CIB2: variants seen among roughly 807,000 people sequenced by gnomAD.
The protein encoded by CIB2 is calcium and integrin-binding family member 2.
A neutral mutation model predicts 23.1 loss-of-function variants in CIB2; 19 were observed. The ratio of observed to expected loss-of-function variants is 0.82; its 90% CI spans 0.57 to 1.21. The LOEUF (loss-of-function observed/expected upper bound fraction) is 1.21. Among genes scored for constraint, CIB2 ranks in the 50% most tolerant of loss-of-function variants. The pLI is 0.00. For missense variants in CIB2, 220 were observed against 241.5 expected, an observed-to-expected ratio of 0.91 and a Z score of 0.59; for synonymous variants, 94 against 91.7, an observed-to-expected ratio of 1.03 and a Z score of -0.14.
chr15:78,127,470 A>G (rs2074396671), intron 1 of CIB2, among the ~76,000 whole-genome samples: 2 of 152,162 alleles, frequency 1.3e-5, no homozygotes, highest in Non-Finnish European at 2.9e-5. Flanking sequence ...AGAAAACAGG[A>G]CAGGCTGGGC....
intron 1 of CIB2, among the ~76,000 whole-genome samples, chr15:78,126,229 G>A (rs778375898): frequency 2.1e-5 from 3 of 142,552 alleles, no homozygotes; most frequent in South Asian, 2.3e-4. Flanking sequence ...TGCAACCTCC[G>A]CCTCCTGGGT....
chr15:78,114,165 C>T (rs573509508), intron 2 of CIB2, among the ~76,000 whole-genome samples: 11 of 152,180 alleles, frequency 7.2e-5, no homozygotes, highest in East Asian at 3.8e-4. Flanking sequence ...CTGCCTGCCA[C>T]GTCAGAGGCT....
chr15:78,128,156 T>C (rs1207177297), intron 1 of CIB2, among the ~76,000 whole-genome samples: 1 of 152,220 alleles, frequency 6.6e-6, no homozygotes, highest in Non-Finnish European at 1.5e-5. Context: ...GGGATGTATA[T>C]GTGTCAGGCT....
chr15:78,106,130 C>A (rs1433176776), intron 4 of CIB2, among the ~76,000 whole-genome samples, 196 bp from the exon 5 acceptor site: 1 of 152,194 alleles, frequency 6.6e-6, no homozygotes, highest in African/African-American at 2.4e-5. Flanking sequence ...CTTAAACACC[C>A]ACATCCACCA....
In CIB2 at chr15:78,105,834, G is replaced by T. The variant is rs376577933; in HGVS notation, c.447C>A (p.Cys149Ter). ...ELDEEEVVLV[C>*]DKVIEEADLD... ...AGTCAGCCTCCTCAATGACCTTGTC[G>T]CACACAAGCACCACCTCCTCCTCAT... Residue 149 changes from cysteine to a stop codon, truncating the protein, a stop_gained, in exon 5 of 6, where the codon TGC becomes TGA. Transcript: ENST00000258930. LOFTEE classifies it high-confidence loss of function. 1 of 1,614,142 alleles carries T rather than the reference G, an allele frequency of 6.2e-7. No homozygotes were observed. The highest frequency in any genetic ancestry group is 8.5e-7 in the Non-Finnish European group (1 of 1,180,016).
At position 78,105,915 on chromosome 15, in the gene CIB2, G is replaced by A. The variant is rs374836619; in HGVS notation, c.366C>T (p.Phe122=). 54 of 1,614,138 alleles carry A rather than the reference G, an allele frequency of 3.3e-5. No individual in the cohort carries two copies. In the African/African-American group the frequency reaches 6.0e-4, roughly 18 times the overall value. ...TCAGCTCCAGGTCCTCCTTGCAGAT[G>A]AAGTTGTCAGTGTTGAAGTCTGTAG... The part of the protein sequence containing the change: ...FKIYDFNTDN[F]ICKEDLELTL... The change falls in exon 5 of 6, where the codon TTC becomes TTT. Residue 122 remains phenylalanine (F), a synonymous_variant. Transcript: ENST00000258930.
chr15:78,129,480 C>G (rs905400353), intron 1 of CIB2, among the ~76,000 whole-genome samples: 1 of 151,978 alleles, frequency 6.6e-6, no homozygotes, highest in South Asian at 2.1e-4. Flanking sequence ...CCTTTATCCA[C>G]GCTGTCCCCT....
intron 1 of CIB2, 138 bp from the exon 2 acceptor site, chr15:78,123,877 T>C: frequency 1.1e-6 from 1 of 951,832 alleles, no homozygotes; most frequent in Non-Finnish European, 1.7e-6. Flanking sequence ...CTTTCCACCT[T>C]GCCCTCACCC....
intron 4 of CIB2, 68 bp downstream of exon 4, chr15:78,109,167 C>T: frequency 1.3e-6 from 2 of 1,541,384 alleles, no homozygotes; most frequent in South Asian, 1.2e-5. Context: ...CAGTAGTAAC[C>T]AGACAGCCTA....
Position 78,105,504 on chromosome 15 carries a change from T to C in CIB2, c.543-172A>G, listed in dbSNP as rs7164338. ...CTGGGGGAAGACGGAGGAACAGCGG[T>C]GCCCAGGGAGTTCTGCCCCCACTTA... is the stretch of plus-strand genomic sequence containing the variant. On this transcript the variant is annotated intron_variant, in intron 5 of 5. Transcript: ENST00000258930. 0.25 allele frequency: 377,215 copies of C among 1,493,778 alleles called. 49,425 individuals carry two copies. Among genetic ancestry groups the C allele is most frequent in the Non-Finnish European group, 0.27 (300,438 of 1,124,024 alleles). The allele number at this position is 1,493,778 out of a possible 1,614,324, so 92.5% of individuals were successfully genotyped here. A position where few individuals can be genotyped will look rare whatever the true frequency, so the allele number is the denominator to read the frequency against.
At chr15:78,122,299 T>C (rs1304339423) in intron 2 of CIB2, among the ~76,000 whole-genome samples, 1 of 152,126 alleles carries the variant, frequency 6.6e-6, no homozygotes, top group African/African-American at 2.4e-5. Context: ...GGAGTGGAGA[T>C]AGCCAGTGCA....
intron 2 of CIB2, among the ~76,000 whole-genome samples, chr15:78,116,030 A>G (rs1026037027): frequency 6.6e-6 from 1 of 152,164 alleles, no homozygotes; most frequent in Non-Finnish European, 1.5e-5. Context: ...TACGCTAAAC[A>G]TGTATAGATT....
In CIB2 at chr15:78,131,190, G is replaced by C; in HGVS notation, c.26C>G (p.Thr9Ser). 6.3e-7 allele frequency: 1 copy of C among 1,590,112 alleles called. No homozygotes were observed. Among genetic ancestry groups the C allele is most frequent in the Middle Eastern group, 1.7e-4 (1 of 5,984 alleles). The change falls in exon 1 of 6, where the codon ACC (threonine) becomes AGC (serine). Residue 9 changes from threonine to serine, a missense_variant. Thr to Ser is a moderately conservative substitution (Grantham distance 58). Coordinates refer to ENST00000258930, the MANE Select transcript of CIB2 (RefSeq NM_006383.4). The surrounding 1 kb of genome is among the most constrained non-coding windows in gnomAD (Gnocchi z 5.8). MGNKQTIF[T>S]EEQLDNYQDC... ...CTGGTAGTTGTCTAGCTGCTCTTCG[G>C]TGAAGATGGTCTGCTTGTTCCCCAT...
In CIB2 at chr15:78,111,152, G is replaced by T. The variant is rs1273586403; in HGVS notation, c.198+13C>A. ...CAGATCCCCTGCTCGCCAGCAAGAG[G>T]TCCTGCACATACCCGGAGCTCTGGC... On this transcript the variant is annotated intron_variant, in intron 3 of 5. Transcript: ENST00000258930. 3 of 1,610,108 alleles carry T rather than the reference G, an allele frequency of 1.9e-6. No individual in the cohort carries two copies. The highest frequency in any genetic ancestry group is 2.6e-6 in the Non-Finnish European group (3 of 1,176,370).
intron 2 of CIB2, among the ~76,000 whole-genome samples, chr15:78,111,996 G>C (rs542419468): frequency 6.6e-6 from 1 of 152,146 alleles, no homozygotes; most frequent in African/African-American, 2.4e-5. Context: ...GGGCCATCGG[G>C]ACCCAGGCTG....
chr15:78,113,171 A>T (rs1441073969), intron 2 of CIB2, among the ~76,000 whole-genome samples: 1 of 152,204 alleles, frequency 6.6e-6, no homozygotes, highest in East Asian at 1.9e-4. Context: ...CTGCAAGTCA[A>T]GCCCTGGTAA....
At position 78,111,188 on chromosome 15, in the gene CIB2, T is replaced by C. The variant is rs1335765064; in HGVS notation, c.175A>G (p.Ile59Val). The change falls in exon 3 of 6, where the codon ATC becomes GTC. Residue 59 changes from isoleucine to valine, a missense_variant. Physicochemically the swap from Ile to Val is conservative, Grantham distance 29. Coordinates refer to ENST00000258930, the MANE Select transcript of CIB2 (RefSeq NM_006383.4). ...ACCCGGAGCTCTGGCATCTGGATGA[T>C]GAGGCTCATGGGCACGTGGACGATG... ...SPIVHVPMSLIIQMPELRENP... is the reference protein window; with the variant it reads ...SPIVHVPMSLVIQMPELRENP... 6.2e-7 allele frequency: 1 copy of C among 1,612,412 alleles called. No individual in the cohort carries two copies. Among genetic ancestry groups the C allele is most frequent in the South Asian group, 1.1e-5 (1 of 91,072 alleles).
Position 78,111,210 on chromosome 15 carries a change from G to A in CIB2, c.153C>T (p.Ile51=), listed in dbSNP as rs749337651. The A allele has an allele frequency of 1.3e-5, 21 of 1,614,210 alleles. No homozygotes were observed. Among genetic ancestry groups the A allele is most frequent in the Middle Eastern group, 1.7e-4 (1 of 6,060 alleles). The stretch of plus-strand genomic sequence containing the variant: ...TGATGAGGCTCATGGGCACGTGGAC[G>A]ATGGGGCTCTTCCTGTAGTCCATTG... ...LVPMDYRKSP[I]VHVPMSLIIQ... Residue 51 remains isoleucine (I), a synonymous_variant, in exon 3 of 6, where the codon ATC becomes ATT. Transcript: ENST00000258930.
At chr15:78,118,540 G>T (rs2141904168) in intron 2 of CIB2, among the ~76,000 whole-genome samples, 1 of 143,596 alleles carries the variant, frequency 7.0e-6, no homozygotes, top group Non-Finnish European at 1.5e-5. Flanking sequence ...AGTGAGCCGA[G>T]ATCGCGCCAT....
Sources: allele counts gnomAD v4.1 joint callset (sites outside exome capture counted in the v4.1 genomes callset), GRCh38; gene constraint gnomAD v4.1.1; non-coding constraint Gnocchi (gnomAD v3.1); transcripts MANE v1.5; gene names NCBI Gene and HGNC (gene_info 2026-07-23, HGNC 2026-07-21).